ZFHX3: variants seen among roughly 807,000 people sequenced by gnomAD.
ZFHX3 encodes zinc finger homeobox 3, also known as zinc finger homeobox protein 3.
Under a neutral mutation model 279.1 loss-of-function variants are expected in ZFHX3, and 42 were observed. The ratio of observed to expected loss-of-function variants is 0.15; its 90% CI spans 0.12 to 0.19. The LOEUF (loss-of-function observed/expected upper bound fraction) is 0.19. Ranked by LOEUF, ZFHX3 falls within the 10% of genes least tolerant of loss-of-function variation. The pLI is 1.00. For missense variants in ZFHX3, 4,981 were observed against 4,754.0 expected, an observed-to-expected ratio of 1.05 and a Z score of -1.40; for synonymous variants, 2,293 against 1,957.8, an observed-to-expected ratio of 1.17 and a Z score of -4.52.
At chr16:72,993,755 G>A (rs1963177758) in intron 1 of ZFHX3, among the ~76,000 whole-genome samples, 1 of 152,126 alleles carries the variant, frequency 6.6e-6, no homozygotes, top group Non-Finnish European at 1.5e-5. Flanking sequence ...CTCAGGAGAG[G>A]CGGCAAGTTC....
chr16:73,677,447 A>C (rs1445304177), intron 2 of ZFHX3, among the ~76,000 whole-genome samples: 1 of 151,890 alleles, frequency 6.6e-6, no homozygotes, highest in African/African-American at 2.4e-5. Context: ...CAACAACAAA[A>C]AATGAATTAA....
intron 1 of ZFHX3, among the ~76,000 whole-genome samples, chr16:73,744,754 T>C (rs1597091943): frequency 6.6e-6 from 1 of 152,320 alleles, no homozygotes; most frequent in South Asian, 2.1e-4. Flanking sequence ...TTCTGACAGC[T>C]TTTGCATTCT....
At chr16:72,928,299 C>G (rs1178685790) in intron 3 of ZFHX3, among the ~76,000 whole-genome samples, 1 of 124,972 alleles carries the variant, frequency 8.0e-6, no homozygotes, top group Non-Finnish European at 1.8e-5. Context: ...GGTCTTTCCA[C>G]AATGTGTGCC....
At chr16:72,856,317 G>A (rs16971335) in intron 4 of ZFHX3, among the ~76,000 whole-genome samples, 4,966 of 152,290 alleles carry the variant, frequency 0.033, 156 homozygotes, top group East Asian at 0.076. Flanking sequence ...CAGTAACATC[G>A]TACTACTCAT....
rs939495883 is a variant in ZFHX3 at position 73,418,012 on chromosome 16, A to T, written c.-1291+37991T>A. The stretch of plus-strand genomic sequence containing the variant: ...TCAAAAAAAAAAAAAAAAAAAAAAA[A>T]GGAAAAAGAAAAGGCTGTGGGATGC... On this transcript the variant is annotated intron_variant, in intron 3 of 17. Transcript: ENST00000641206. Among the ~76,000 whole-genome samples the T allele has an allele frequency of 8.1e-4, 116 of 143,370 alleles. 1 individual carries two copies. The highest frequency in any genetic ancestry group is 1.6e-3 in the Non-Finnish European group (102 of 64,680). 94.1% of individuals were successfully genotyped at this position (143,370 alleles called of 152,430 possible). A position where few individuals can be genotyped will look rare whatever the true frequency, so the allele number is the denominator to read the frequency against.
intron 5 of ZFHX3, among the ~76,000 whole-genome samples, chr16:73,175,911 G>A (rs1967653227): frequency 6.6e-6 from 1 of 152,120 alleles, no homozygotes; most frequent in East Asian, 1.9e-4. Flanking sequence ...GGGGGGCAGG[G>A]CTATGTCTAA....
rs144282993 is a variant in ZFHX3, at chr16:73,642,034, C to T, written c.-1547+38146G>A. Among the ~76,000 whole-genome samples the T allele has an allele frequency of 9.2e-5, 14 of 152,032 alleles. No homozygotes were observed. The East Asian group carries it at 1.4e-3, about 15-fold the overall frequency. ...TACTGAATTCAGGCAGTGTGAGGGA[C>T]GCTTCCACCAAATTTGTTTCTCTTT... On this transcript the variant is annotated intron_variant, in intron 2 of 17. Transcript: ENST00000641206.
intron 1 of ZFHX3, among the ~76,000 whole-genome samples, chr16:73,710,311 T>C (rs1369855826): frequency 6.6e-6 from 1 of 152,242 alleles, no homozygotes; most frequent in Non-Finnish European, 1.5e-5. Context: ...GATCATGTGG[T>C]CACTTTAAAT....
chr16:73,770,677 A>G (rs1342569127), intron 1 of ZFHX3, among the ~76,000 whole-genome samples: 1 of 152,228 alleles, frequency 6.6e-6, no homozygotes, highest in East Asian at 1.9e-4. Context: ...ATGAGGCCAA[A>G]TAAGTGTAAA....
chr16:73,359,358 G>T (rs781011269), intron 3 of ZFHX3, among the ~76,000 whole-genome samples: 4 of 152,140 alleles, frequency 2.6e-5, no homozygotes, highest in Non-Finnish European at 5.9e-5. Context: ...GAGGGCAAGA[G>T]GCTTGGCTGG....
At chr16:73,510,839 C>A (rs1243410962) in intron 2 of ZFHX3, among the ~76,000 whole-genome samples, 1 of 152,230 alleles carries the variant, frequency 6.6e-6, no homozygotes, top group African/African-American at 2.4e-5. Flanking sequence ...CTTAGGGTAA[C>A]AAAATCCTTA....
At chr16:73,530,856 A>C (rs2019787957) in intron 2 of ZFHX3, among the ~76,000 whole-genome samples, 2 of 152,184 alleles carry the variant, frequency 1.3e-5, no homozygotes, top group Admixed American at 1.3e-4. Context: ...TGCCCAGAAA[A>C]TACTTGACAA....
At chr16:73,841,039 C>A (rs1484378192) in intron 1 of ZFHX3, among the ~76,000 whole-genome samples, 1 of 152,126 alleles carries the variant, frequency 6.6e-6, no homozygotes, top group Non-Finnish European at 1.5e-5. Flanking sequence ...ATTCTCCAGG[C>A]TGGAGTCCTG....
intron 1 of ZFHX3, among the ~76,000 whole-genome samples, chr16:73,694,371 T>C (rs1443556045): frequency 6.6e-6 from 1 of 151,992 alleles, no homozygotes; most frequent in Non-Finnish European, 1.5e-5. Flanking sequence ...TGAGATGGAG[T>C]CTTGCTCTGT....
chr16:73,152,215 A>G (rs1037499353), intron 5 of ZFHX3, among the ~76,000 whole-genome samples: 17 of 152,394 alleles, frequency 1.1e-4, no homozygotes, highest in African/African-American at 3.6e-4. Context: ...AATAAAAAAT[A>G]TAATATACAG....
intron 4 of ZFHX3, among the ~76,000 whole-genome samples, chr16:73,261,668 G>GCTTTTT (rs1242491554): frequency 5.5e-4 from 44 of 80,702 alleles, no homozygotes; most frequent in African/African-American, 2.0e-3. Context: ...TCCTGTGATT[G>GCTTTTT]TTTTTTTTTT....
chr16:72,801,749 G>A (rs2036107151), intron 7 of ZFHX3, among the ~76,000 whole-genome samples: 2 of 152,206 alleles, frequency 1.3e-5, no homozygotes, highest in African/African-American at 4.8e-5. Context: ...GTTAAGAATG[G>A]AGTGGAGATT....
intron 5 of ZFHX3, among the ~76,000 whole-genome samples, chr16:73,223,239 A>C (rs1211000487): frequency 6.6e-6 from 1 of 152,162 alleles, no homozygotes; most frequent in African/African-American, 2.4e-5. Flanking sequence ...TAAAAATTAA[A>C]ATTTTCTGCT....
intron 1 of ZFHX3, among the ~76,000 whole-genome samples, chr16:73,032,555 A>G (rs1164845661): frequency 6.6e-6 from 1 of 152,168 alleles, no homozygotes; most frequent in East Asian, 1.9e-4. Flanking sequence ...TTCGTCCCCA[A>G]AAAGAGACCA....
Sources: gnomAD v4.1 joint callset for allele counts (sites outside exome capture counted in the v4.1 genomes callset) on GRCh38, gnomAD v4.1.1 for gene constraint, MANE v1.5 for transcripts, NCBI Gene and HGNC (gene_info 2026-07-23, HGNC 2026-07-21) for gene names.